The following PRKAR1B variants were observed in gnomAD, a reference collection of about 807,000 sequenced individuals.
PRKAR1B encodes the protein cAMP-dependent protein kinase type I-beta regulatory subunit.
A neutral mutation model predicts 46.5 loss-of-function variants in PRKAR1B; 22 were observed. That is an observed-to-expected ratio of 0.47 (90% confidence interval 0.34 to 0.68). The LOEUF (loss-of-function observed/expected upper bound fraction) is 0.68, where lower values mean the gene tolerates loss of function less well. Ranked by LOEUF, PRKAR1B falls within the 30% of genes least tolerant of loss-of-function variation. The pLI is 0.01. For missense variants in PRKAR1B, 445 were observed against 535.6 expected (o/e 0.83, Z 1.67); for synonymous variants, 259 against 217.7 (o/e 1.19, Z -1.67).
chr7:663,988 G>T (rs905303497), intron 4 of PRKAR1B, among the ~76,000 whole-genome samples: 5 of 152,102 alleles, frequency 3.3e-5, no homozygotes, highest in Non-Finnish European at 7.4e-5. Flanking sequence ...TGAGCCTCAG[G>T]GTCCCCCCCG....
intron 2 of PRKAR1B, 51 bp downstream of exon 2, chr7:711,278 C>G (rs888660794): frequency 6.2e-7 from 1 of 1,601,824 alleles, no homozygotes; most frequent in Non-Finnish European, 8.5e-7. Context: ...GCTGCCGCCT[C>G]TGCCCCAGGA....
At chr7:709,333 G>A (rs1331601383) in intron 2 of PRKAR1B, among the ~76,000 whole-genome samples, 1 of 150,200 alleles carries the variant, frequency 6.7e-6, no homozygotes, top group Non-Finnish European at 1.5e-5. Flanking sequence ...GTATGTGTGT[G>A]TATGCATGTG....
chr7:710,077 T>C (rs1316493047), intron 2 of PRKAR1B, among the ~76,000 whole-genome samples: 2 of 152,234 alleles, frequency 1.3e-5, no homozygotes, highest in Non-Finnish European at 2.9e-5. Context: ...AAAATGTTTT[T>C]GCATGGACTG....
chr7:581,994 C>T (rs1780212194), intron 8 of PRKAR1B, among the ~76,000 whole-genome samples: 1 of 152,252 alleles, frequency 6.6e-6, no homozygotes, highest in African/African-American at 2.4e-5. Context: ...GCTGGGACTG[C>T]AGGCATGTAC....
chr7:575,664 G>A (rs1033306489), intron 9 of PRKAR1B, among the ~76,000 whole-genome samples: 12 of 152,070 alleles, frequency 7.9e-5, no homozygotes, highest in African/African-American at 2.4e-4. Context: ...TCCCGCCTCC[G>A]CCTCCCAAGT....
intron 1 of PRKAR1B, among the ~76,000 whole-genome samples, chr7:712,012 T>C (rs1204699006): frequency 8.0e-6 from 1 of 125,640 alleles, no homozygotes; most frequent in Non-Finnish European, 1.6e-5. Flanking sequence ...GGGCGGCCTC[T>C]GCACAGGAAA....
At chr7:587,123 G>A (rs923333113) in intron 7 of PRKAR1B, among the ~76,000 whole-genome samples, 3 of 152,140 alleles carry the variant, frequency 2.0e-5, no homozygotes, top group Non-Finnish European at 2.9e-5. Context: ...TCTAAGCAAC[G>A]TATGTAGGAA....
intron 1 of PRKAR1B, among the ~76,000 whole-genome samples, chr7:718,796 T>C (rs1226152538): frequency 2.0e-5 from 3 of 151,998 alleles, no homozygotes; most frequent in Admixed American, 6.6e-5. Context: ...TCCCTGACCT[T>C]TTCTCTTACA....
chr7:726,332 G>A (rs530929629), intron 1 of PRKAR1B, among the ~76,000 whole-genome samples: 1 of 152,162 alleles, frequency 6.6e-6, no homozygotes, highest in African/African-American at 2.4e-5. Flanking sequence ...GGCTCTAGGC[G>A]GCTCAAACAG....
chr7:550,613 AAG>A lies in PRKAR1B; in HGVS notation c.974-13_974-12del, dbSNP rs1450151242. On this transcript the variant is annotated splice_polypyrimidine_tract_variant and intron_variant, in intron 10 of 10. Coordinates refer to ENST00000537384, the MANE Select transcript of PRKAR1B (RefSeq NM_001164760.2). ...GCAGTGCAATCTCCCCTGGGGGTTG[AAG>A]AGAGAGGTCAGGGCTGGGCCTGGGG... 5 of 1,546,660 alleles carry A rather than the reference AAG, an allele frequency of 3.2e-6. No homozygotes were observed. Among genetic ancestry groups the A allele is most frequent in the East Asian group, 2.3e-5 (1 of 44,120 alleles).
chr7:650,938 G>C (rs2128489869), intron 4 of PRKAR1B, among the ~76,000 whole-genome samples: 1 of 152,246 alleles, frequency 6.6e-6, no homozygotes, highest in Middle Eastern at 3.4e-3. Flanking sequence ...CGAGAGCCCT[G>C]ACTCAGCTTC....
chr7:684,868 T>TCACA (rs1554303000), intron 2 of PRKAR1B, among the ~76,000 whole-genome samples: 10 of 130,764 alleles, frequency 7.6e-5, no homozygotes, highest in African/African-American at 3.0e-4. Flanking sequence ...TCCACCCACT[T>TCACA]CACACAGACA....
intron 4 of PRKAR1B, among the ~76,000 whole-genome samples, chr7:675,527 G>A (rs930002900): frequency 6.6e-6 from 1 of 152,204 alleles, no homozygotes; most frequent in African/African-American, 2.4e-5. Flanking sequence ...TCAAAAAATT[G>A]TTTTAAAAGA....
At chr7:659,290 C>A (rs958710502) in intron 4 of PRKAR1B, among the ~76,000 whole-genome samples, 1 of 152,118 alleles carries the variant, frequency 6.6e-6, no homozygotes, top group African/African-American at 2.4e-5. Context: ...GTCTGTGTTG[C>A]GCATGCAGTA....
At chr7:557,610 G>T (rs1374361191) in intron 9 of PRKAR1B, among the ~76,000 whole-genome samples, 1 of 152,184 alleles carries the variant, frequency 6.6e-6, no homozygotes, top group African/African-American at 2.4e-5. Context: ...CCGACCTCCA[G>T]CTGGCAGAAT....
intron 7 of PRKAR1B, among the ~76,000 whole-genome samples, chr7:585,965 G>A (rs1257229212): frequency 6.6e-6 from 1 of 152,182 alleles, no homozygotes; most frequent in East Asian, 1.9e-4. Context: ...TCCCACCTGT[G>A]CAACTGACCA....
intron 3 of PRKAR1B, 128 bp downstream of exon 3, chr7:680,428 C>G: frequency 2.1e-6 from 2 of 973,596 alleles, no homozygotes; most frequent in South Asian, 3.5e-5. Flanking sequence ...ACATAGTCCT[C>G]CCTCCAACCA....
intron 1 of PRKAR1B, among the ~76,000 whole-genome samples, chr7:715,178 G>A (rs1052948355): frequency 9.2e-5 from 14 of 152,032 alleles, no homozygotes; most frequent in Middle Eastern, 3.2e-3. Flanking sequence ...ACTCCGTCTC[G>A]AAATAAATAA....
chr7:606,886 A>G (rs1393337342), intron 5 of PRKAR1B, among the ~76,000 whole-genome samples: 5 of 152,016 alleles, frequency 3.3e-5, no homozygotes, highest in African/African-American at 7.3e-5. Context: ...ATACACACAC[A>G]TATGTATATA....
Sources: allele counts gnomAD v4.1 joint callset (sites outside exome capture counted in the v4.1 genomes callset), GRCh38; gene constraint gnomAD v4.1.1; transcripts MANE v1.5; gene names NCBI Gene and HGNC (gene_info 2026-07-23, HGNC 2026-07-21).